Variants in ERBIN observed in about 807,000 individuals in gnomAD.
ERBIN encodes erbb2 interacting protein, also known as densin-180-like protein.
In ERBIN, 60 loss-of-function variants were observed where a neutral mutation model predicts 158.4. That is an observed-to-expected ratio of 0.38 (90% confidence interval 0.31 to 0.47). The LOEUF is 0.47. ERBIN is among the 20% of genes least tolerant of loss of function. The pLI, the probability that ERBIN is intolerant of heterozygous loss-of-function variation, is 0.99. For missense variants in ERBIN, 1,610 were observed against 1,648.0 expected (o/e 0.98, Z 0.40); for synonymous variants, 594 against 557.2 (o/e 1.07, Z -0.93).
intron 16 of ERBIN, 105 bp downstream of exon 16, chr5:66,043,303 A>G: frequency 8.5e-7 from 1 of 1,176,330 alleles, no homozygotes; most frequent in Non-Finnish European, 1.2e-6. Context: ...TATTGAATTT[A>G]TTCCTTGTCC....
At chr5:65,950,684 A>G (rs1420403060) in intron 1 of ERBIN, among the ~76,000 whole-genome samples, 1 of 152,224 alleles carries the variant, frequency 6.6e-6, no homozygotes, top group Non-Finnish European at 1.5e-5. Context: ...GAGAAGTACC[A>G]AATAATTTGC....
chr5:66,017,518 ATT>A (rs35773988), intron 7 of ERBIN, among the ~76,000 whole-genome samples: 399 of 135,360 alleles, frequency 2.9e-3, no homozygotes, highest in South Asian at 5.0e-3. Flanking sequence ...TTACAATAGA[ATT>A]TTTTTTTTTT....
intron 1 of ERBIN, among the ~76,000 whole-genome samples, chr5:65,975,262 C>G (rs1749725020): frequency 6.6e-6 from 1 of 151,720 alleles, no homozygotes; most frequent in African/African-American, 2.4e-5. Context: ...CCTGCCTCGG[C>G]CTCCCAAAGT....
chr5:66,013,960 G>A (rs914147332), intron 6 of ERBIN, among the ~76,000 whole-genome samples: 2 of 152,106 alleles, frequency 1.3e-5, no homozygotes, highest in East Asian at 3.8e-4. Context: ...TGATTTATCT[G>A]TCTTCTCCCC....
chr5:66,075,810 C>A (rs1011275138), intron 23 of ERBIN, among the ~76,000 whole-genome samples: 19 of 151,808 alleles, frequency 1.3e-4, no homozygotes, highest in Non-Finnish European at 7.4e-5. Context: ...TAAAAACTCT[C>A]AATTGGTCAT....
intron 1 of ERBIN, among the ~76,000 whole-genome samples, chr5:65,942,002 A>G (rs186370032): frequency 6.6e-6 from 1 of 152,278 alleles, no homozygotes; most frequent in East Asian, 1.9e-4. Context: ...GGCCTTCCAA[A>G]GTGCTGGGAT....
chr5:66,025,673 A>G, intron 11 of ERBIN, 121 bp downstream of exon 11: 1 of 908,676 alleles, frequency 1.1e-6, no homozygotes, highest in Non-Finnish European at 1.7e-6. Context: ...AGTAATTAGT[A>G]TACAGGTTGA....
At chr5:66,056,586 G>A (rs1241472155) in intron 21 of ERBIN, among the ~76,000 whole-genome samples, 3 of 151,664 alleles carry the variant, frequency 2.0e-5, no homozygotes, top group Non-Finnish European at 2.9e-5. Flanking sequence ...TGAAATTCAC[G>A]GTACGGGTTC....
In ERBIN at chr5:66,018,611, TAC is replaced by T. The variant is rs1373016234; in HGVS notation, c.534-2701_534-2700del. ...TTATATAATATATATTATATATACA[TAC>T]ACACACACATATAGATTTTTTTTTA... On this transcript the variant is annotated intron_variant, in intron 7 of 25. Transcript: ENST00000284037. 4.2e-4 allele frequency among the ~76,000 whole-genome samples: 31 copies of T among 74,614 alleles called. 5 individuals carry two copies. The highest frequency in any genetic ancestry group is 1.2e-3 in the African/African-American group (29 of 24,798). 48.9% of individuals were successfully genotyped at this position (74,614 alleles called of 152,430 possible). A position where few individuals can be genotyped will look rare whatever the true frequency, so the allele number is the denominator to read the frequency against.
intron 24 of ERBIN, 150 bp from the exon 25 acceptor site, chr5:66,076,725 C>T (rs916457162): frequency 6.3e-6 from 4 of 633,234 alleles, no homozygotes; most frequent in Non-Finnish European, 2.8e-6. Context: ...GTAAAAATAA[C>T]TAGTTTGTTA....
At chr5:65,943,922 G>A (rs757809627) in intron 1 of ERBIN, among the ~76,000 whole-genome samples, 2 of 152,082 alleles carry the variant, frequency 1.3e-5, no homozygotes, top group Admixed American at 6.5e-5. Context: ...CAAGTACCTC[G>A]TGAGTCACTT....
chr5:66,034,185 G>A (rs1212622515), intron 14 of ERBIN, among the ~76,000 whole-genome samples: 3 of 152,036 alleles, frequency 2.0e-5, no homozygotes, highest in Admixed American at 2.0e-4. Flanking sequence ...GCTATGACAG[G>A]AATTCTTAAC....
At chr5:65,951,736 A>G (rs571165745) in intron 1 of ERBIN, among the ~76,000 whole-genome samples, 1 of 152,340 alleles carries the variant, frequency 6.6e-6, no homozygotes, top group African/African-American at 2.4e-5. Flanking sequence ...TTGTTTTTAG[A>G]CTGTGGTTAC....
At chr5:65,930,650 C>T (rs1425952825) in intron 1 of ERBIN, among the ~76,000 whole-genome samples, 1 of 152,138 alleles carries the variant, frequency 6.6e-6, no homozygotes, top group Non-Finnish European at 1.5e-5. Flanking sequence ...TCCTTTTTCT[C>T]TTTAGTGTTC....
At chr5:65,940,780 G>A (rs1342244726) in intron 1 of ERBIN, among the ~76,000 whole-genome samples, 2 of 151,866 alleles carry the variant, frequency 1.3e-5, no homozygotes, top group Admixed American at 1.3e-4. Flanking sequence ...GAAGTGAGGA[G>A]CCCCTCTGCC....
chr5:65,957,369 T>TCC (rs1349797380), intron 1 of ERBIN, among the ~76,000 whole-genome samples: 1 of 152,094 alleles, frequency 6.6e-6, no homozygotes, highest in Non-Finnish European at 1.5e-5. Flanking sequence ...CCTGGGGCCT[T>TCC]CCGCAGTGTT....
At position 66,054,877 on chromosome 5, in the gene ERBIN, C is replaced by T. The variant is rs774447966; in HGVS notation, c.3559C>T (p.Pro1187Ser). The change falls in exon 21 of 26, where the codon CCA (proline) becomes TCA (serine). Residue 1187 changes from proline to serine, a missense_variant. Around this residue, in one of 2 missense-constraint regions of ERBIN, gnomAD observed 1,014 missense variants for 936.1 expected, o/e 1.08. Transcript: ENST00000284037. ...VGSEHSLLDP[P>S]GKSKVPRDWR... ...TTCTGAGCATTCTTTATTAGATCCT[C>T]CAGGAAAAAGTAAAGTTCCTCGTGA... The T allele has an allele frequency of 1.2e-6, 2 of 1,613,694 alleles. No homozygotes were observed. The highest frequency in any genetic ancestry group is 3.3e-5 in the Admixed American group (2 of 59,938).
In ERBIN at chr5:66,053,972, A is replaced by T; in HGVS notation, c.2654A>T (p.Asp885Val). 9 of 1,614,146 alleles carry T rather than the reference A, an allele frequency of 5.6e-6. No individual in the cohort carries two copies. Among genetic ancestry groups the T allele is most frequent in the Non-Finnish European group, 7.6e-6 (9 of 1,180,020 alleles). ...NMEIGGLKIY[D>V]ILSDNGPQQP... The stretch of plus-strand genomic sequence containing the variant: ...GAGATTGGAGGGCTAAAAATCTATG[A>T]TATTCTTAGTGATAATGGACCTCAG... Residue 885 changes from aspartate (D) to valine (V), a missense_variant, in exon 21 of 26, where the codon GAT becomes GTT. By Grantham distance (152) the Asp-to-Val change is radical. This residue lies in a region of ERBIN where 1,014 missense variants were observed against 936.1 expected (regional missense o/e 1.08). Transcript: ENST00000284037.
At chr5:66,019,744 A>G (rs906246926) in intron 7 of ERBIN, among the ~76,000 whole-genome samples, 20 of 152,148 alleles carry the variant, frequency 1.3e-4, no homozygotes, top group African/African-American at 3.9e-4. Flanking sequence ...AATTTTTCCA[A>G]TGCACACCTT....
Sources: allele counts gnomAD v4.1 joint callset (sites outside exome capture counted in the v4.1 genomes callset), GRCh38; gene constraint gnomAD v4.1.1; regional missense constraint gnomAD v4.1.1; transcripts MANE v1.5; gene names NCBI Gene and HGNC (gene_info 2026-07-23, HGNC 2026-07-21).